The following FRYL variants were observed in gnomAD, a reference collection of about 807,000 sequenced individuals.
The protein encoded by FRYL is FRY like transcription coactivator, also known as protein furry homolog-like.
A neutral mutation model predicts 351.2 loss-of-function variants in FRYL; 150 were observed. That is an observed-to-expected ratio of 0.43 (90% confidence interval 0.37 to 0.49). FRYL has a LOEUF of 0.49. FRYL is among the 20% of genes least tolerant of loss of function. The probability of loss-of-function intolerance (pLI) is 0.00; values close to 1 mark genes in which losing one functional copy is unlikely to be tolerated. For synonymous variants in FRYL, 1,153 were observed against 1,257.1 expected, an observed-to-expected ratio of 0.92 and a Z score of 1.75; for missense variants, 3,036 against 3,619.3, an observed-to-expected ratio of 0.84 and a Z score of 4.13.
intron 1 of FRYL, 78 bp from the exon 2 acceptor site, chr4:48,710,776 G>A (rs1161817729): frequency 5.4e-5 from 21 of 391,758 alleles, no homozygotes; most frequent in South Asian, 1.4e-4. Context: ...AGCAGCTTCC[G>A]TATATCACTA....
At chr4:48,610,660 A>ATATATACATATATTATATTATATAT (rs1216987906) in intron 7 of FRYL, among the ~76,000 whole-genome samples, 4 of 146,644 alleles carry the variant, frequency 2.7e-5, no homozygotes, top group African/African-American at 5.0e-5. Flanking sequence ...TATATATTGT[A>ATATATACATATATTATATTATATAT]TATATACATA....
intron 23 of FRYL, among the ~76,000 whole-genome samples, chr4:48,577,479 AGTCAAAAAAACT>A (rs1739880181): frequency 6.6e-6 from 1 of 152,216 alleles, no homozygotes; most frequent in Middle Eastern, 3.2e-3. Context: ...GTAACGTATC[AGTCAAAAAAACT>A]GTCAAAAAAA....
chr4:48,623,631 C>G (rs1751137590), intron 4 of FRYL, among the ~76,000 whole-genome samples: 1 of 152,276 alleles, frequency 6.6e-6, no homozygotes, highest in South Asian at 2.1e-4. Context: ...CTGACTACCA[C>G]GAAGTGAATG....
At chr4:48,732,717 G>A (rs1469092458) in intron 1 of FRYL, among the ~76,000 whole-genome samples, 1 of 137,368 alleles carries the variant, frequency 7.3e-6, no homozygotes, top group Non-Finnish European at 1.5e-5. Flanking sequence ...ATAAGTAGGA[G>A]ATGAACAATG....
chr4:48,651,498 GACTCTC>G (rs1757700807), intron 3 of FRYL, among the ~76,000 whole-genome samples: 1 of 151,940 alleles, frequency 6.6e-6, no homozygotes, highest in Non-Finnish European at 1.5e-5. Context: ...TCTATCTCTG[GACTCTC>G]AGTCTGTTTT....
chr4:48,515,572 C>T (rs1219737547), intron 55 of FRYL, among the ~76,000 whole-genome samples: 1 of 152,046 alleles, frequency 6.6e-6, no homozygotes, highest in Non-Finnish European at 1.5e-5. Context: ...TGGGGTTTCA[C>T]CATGTTAGCC....
At chr4:48,700,059 T>C (rs1452894364) in intron 2 of FRYL, among the ~76,000 whole-genome samples, 1 of 152,186 alleles carries the variant, frequency 6.6e-6, no homozygotes, top group Non-Finnish European at 1.5e-5. Flanking sequence ...CACTAGGCAG[T>C]GAGAGACACG....
intron 1 of FRYL, among the ~76,000 whole-genome samples, chr4:48,723,732 G>A (rs1479697713): frequency 6.6e-6 from 1 of 151,886 alleles, no homozygotes; most frequent in Non-Finnish European, 1.5e-5. Flanking sequence ...GAGACTCTTA[G>A]CTGATGATAC....
intron 1 of FRYL, among the ~76,000 whole-genome samples, chr4:48,767,222 G>A (rs901739640): frequency 2.0e-5 from 3 of 151,938 alleles, no homozygotes; most frequent in Admixed American, 6.6e-5. Context: ...GAGGAAGCAC[G>A]CACCGCCTTC....
At chr4:48,526,017 G>T (rs1217991231) in intron 53 of FRYL, among the ~76,000 whole-genome samples, 1 of 151,950 alleles carries the variant, frequency 6.6e-6, no homozygotes, top group Non-Finnish European at 1.5e-5. Flanking sequence ...TGATGAATGT[G>T]TATGAGCTGT....
chr4:48,653,840 A>AAGCAGC (rs1019745902), intron 3 of FRYL: 2 of 901,748 alleles, frequency 2.2e-6, no homozygotes, highest in Non-Finnish European at 2.9e-6. Context: ...GCAGAAGCAG[A>AAGCAGC]AGCAGCAGCA....
At chr4:48,648,427 C>A (rs1427214975) in intron 3 of FRYL, among the ~76,000 whole-genome samples, 1 of 152,170 alleles carries the variant, frequency 6.6e-6, no homozygotes, top group Non-Finnish European at 1.5e-5. Context: ...CACTTGATAT[C>A]CCTTCTGCCC....
At chr4:48,626,628 T>C (rs1578410765) in intron 4 of FRYL, among the ~76,000 whole-genome samples, 1 of 152,214 alleles carries the variant, frequency 6.6e-6, no homozygotes, top group South Asian at 2.1e-4. Flanking sequence ...TACATGATAA[T>C]TGGTTTTTCT....
chr4:48,756,025 G>C (rs112938270), intron 1 of FRYL, among the ~76,000 whole-genome samples: 2 of 151,786 alleles, frequency 1.3e-5, no homozygotes, highest in African/African-American at 4.8e-5. Context: ...CTTGAGCCCA[G>C]GAATTTGAAA....
chr4:48,623,011 C>A, intron 5 of FRYL, 115 bp downstream of exon 5: 4 of 644,612 alleles, frequency 6.2e-6, no homozygotes, highest in Non-Finnish European at 1.1e-5. Context: ...ATGAATTAAG[C>A]ATACAAGGAT....
intron 1 of FRYL, among the ~76,000 whole-genome samples, chr4:48,741,367 C>T (rs1306682358): frequency 6.6e-6 from 1 of 151,930 alleles, no homozygotes; most frequent in Non-Finnish European, 1.5e-5. Context: ...AGTGAAACCC[C>T]ATCTCTACTA....
At chr4:48,687,504 G>T (rs1251147453) in intron 2 of FRYL, among the ~76,000 whole-genome samples, 2 of 97,012 alleles carry the variant, frequency 2.1e-5, no homozygotes, top group African/African-American at 3.9e-5. Context: ...GGGGGGGGGG[G>T]GGTGAGGGGG....
chr4:48,509,880 T>G (rs1722116244), intron 59 of FRYL, among the ~76,000 whole-genome samples, 179 bp downstream of exon 59: 1 of 152,178 alleles, frequency 6.6e-6, no homozygotes, highest in Admixed American at 6.5e-5. Context: ...AGGACTGATT[T>G]TTAAAAGCCA....
intron 24 of FRYL, 59 bp downstream of exon 24, chr4:48,575,971 C>A (rs1313184161): frequency 3.8e-6 from 5 of 1,329,858 alleles, no homozygotes; most frequent in East Asian, 2.6e-5. Flanking sequence ...ATTTTAAAAT[C>A]TTATTTTTAT....
Sources: gnomAD v4.1 joint callset for allele counts (sites outside exome capture counted in the v4.1 genomes callset) on GRCh38, gnomAD v4.1.1 for gene constraint, MANE v1.5 for transcripts, NCBI Gene and HGNC (gene_info 2026-07-23, HGNC 2026-07-21) for gene names.